The following JCAD variants were observed in gnomAD, a reference collection of about 807,000 sequenced individuals.
JCAD encodes the protein junctional cadherin 5 associated.
Under a neutral mutation model 98.0 loss-of-function variants are expected in JCAD, and 40 were observed. The observed-to-expected ratio is 0.41, with a 90% CI of 0.32 to 0.53. JCAD has a LOEUF of 0.53. JCAD is among the 20% of genes least tolerant of loss of function. JCAD has a pLI of 0.31. For synonymous variants in JCAD, 691 were observed against 682.3 expected (o/e 1.01, Z -0.20); for missense variants, 1,705 against 1,738.1 (o/e 0.98, Z 0.34).
upstream of JCAD, among the ~76,000 whole-genome samples, chr10:30,062,182 G>T (rs1454174155): frequency 6.6e-6 from 1 of 152,192 alleles, no homozygotes; most frequent in Non-Finnish European, 1.5e-5. Flanking sequence ...TAGCAGAAAG[G>T]CTGGCAAAGG....
chr10:30,069,969 T>C (rs1360822178), intron 1 of JCAD: 1 of 152,156 alleles, frequency 6.6e-6, no homozygotes, highest in Non-Finnish European at 1.5e-5. Flanking sequence ...CAGAACTCAT[T>C]GGTTAGCCTC....
At chr10:30,031,619 T>C (rs997359311) in intron 2 of JCAD, among the ~76,000 whole-genome samples, 5 of 151,358 alleles carry the variant, frequency 3.3e-5, no homozygotes, top group African/African-American at 4.9e-5. Flanking sequence ...TTTTTGTATT[T>C]TTAGTAGAGA....
intron 3 of JCAD, among the ~76,000 whole-genome samples, chr10:30,018,443 C>A (rs1836584566): frequency 6.6e-6 from 1 of 152,034 alleles, no homozygotes; most frequent in Non-Finnish European, 1.5e-5. Flanking sequence ...TCTCTCATCA[C>A]CACTGACCAC....
At chr10:30,100,596 C>G (rs879228963) in intron 1 of JCAD, among the ~76,000 whole-genome samples, 1 of 152,168 alleles carries the variant, frequency 6.6e-6, no homozygotes, top group African/African-American at 2.4e-5. Context: ...GTTGGCCACG[C>G]TGGTCTCGAA....
chr10:30,027,331 T>C lies in JCAD; in HGVS notation c.2817A>G (p.Glu939=). ...PPSPGRFRVE[E]GGGAPFCSAD... is the part of the protein sequence containing the mutation. ...CTGAGCAGAAAGGTGCACCGCCACCTTCTTCCACGCGAAAGCGGCCCGGGG... is the reference window on the plus strand; with the variant it reads ...CTGAGCAGAAAGGTGCACCGCCACCCTCTTCCACGCGAAAGCGGCCCGGGG... The change falls in exon 3 of 4, where the codon GAA becomes GAG. Residue 939 remains glutamate (E), a synonymous_variant. Transcript: ENST00000375377. 6.2e-7 allele frequency: 1 copy of C among 1,613,298 alleles called. No homozygotes were observed. Among genetic ancestry groups the C allele is most frequent in the East Asian group, 2.2e-5 (1 of 44,874 alleles).
chr10:30,088,314 C>T (rs1838199086), intron 1 of JCAD, among the ~76,000 whole-genome samples: 1 of 152,068 alleles, frequency 6.6e-6, no homozygotes, highest in African/African-American at 2.4e-5. Context: ...AATCATTTTC[C>T]CCATGGGAAG....
intron 2 of JCAD, among the ~76,000 whole-genome samples, chr10:30,034,080 G>A (rs939080720): frequency 8.6e-5 from 13 of 151,836 alleles, no homozygotes; most frequent in African/African-American, 2.9e-4. Flanking sequence ...AAAATCGGCC[G>A]GGTGTGGTGG....
chr10:30,031,599 A>C (rs1007500121), intron 2 of JCAD, among the ~76,000 whole-genome samples: 1 of 145,486 alleles, frequency 6.9e-6, no homozygotes, highest in African/African-American at 2.5e-5. Flanking sequence ...CTGCCACCAC[A>C]CCCGGCTAAT....
rs967141781 is a variant in JCAD, at chr10:30,100,007, G to A, written n.128+15360C>T. Among the ~76,000 whole-genome samples, 5 of 152,168 alleles carry A rather than the reference G, an allele frequency of 3.3e-5. No individual in the cohort carries two copies. The East Asian group carries it at 7.7e-4, about 24-fold the overall frequency. ...GTCACTCTCTTTAAATTAGCCAATC[G>A]GAATTAGTTTAGCCTGTGCGGTCTA... On this transcript the variant is annotated intron_variant and non_coding_transcript_variant, in intron 1 of 2. Transcript: ENST00000465712.
chr10:30,086,427 G>A (rs964066036), intron 1 of JCAD, among the ~76,000 whole-genome samples: 1 of 152,168 alleles, frequency 6.6e-6, no homozygotes, highest in Non-Finnish European at 1.5e-5. Context: ...TACTTCTTTT[G>A]GTTTGCAGCT....
intron 1 of JCAD, among the ~76,000 whole-genome samples, chr10:30,052,522 T>A (rs1022134973): frequency 2.6e-5 from 4 of 152,182 alleles, no homozygotes; most frequent in African/African-American, 9.7e-5. Flanking sequence ...CTTGGCCTTA[T>A]TAGCACCCAT....
chr10:30,017,883 T>G lies in JCAD; in HGVS notation c.4080A>C (p.Ter1360CysextTer1). The G allele has an allele frequency of 6.2e-7, 1 of 1,612,848 alleles. No homozygotes were observed. The stretch of plus-strand genomic sequence containing the variant: ...GAATGCAAGCTCCACCGGCATTTCA[T>G]CACACCCTCTCCACTCTGCTAGGGT... ...SYDPSRVERV* is the reference protein window; with the variant it reads ...SYDPSRVERVC Residue 1360 changes from the stop codon to cysteine, a stop_lost, in exon 4 of 4, where the codon TGA becomes TGC. Coordinates refer to ENST00000375377, the MANE Select transcript of JCAD (RefSeq NM_020848.4).
At chr10:30,033,432 G>T (rs888179435) in intron 2 of JCAD, among the ~76,000 whole-genome samples, 6 of 152,198 alleles carry the variant, frequency 3.9e-5, no homozygotes, top group African/African-American at 1.4e-4. Flanking sequence ...ATGGGGTGTT[G>T]TGTGATGCAT....
At position 30,028,596 on chromosome 10, in the gene JCAD, C is replaced by T. The variant is rs774908888; in HGVS notation, c.1552G>A (p.Asp518Asn). 3 of 1,613,776 alleles carry T rather than the reference C, an allele frequency of 1.9e-6. No homozygotes were observed. Among genetic ancestry groups the T allele is most frequent in the East Asian group, 2.2e-5 (1 of 44,874 alleles). ...CACTGTCCCCTTGCCACACAGCGGT[C>T]TCTCTGGTTGGGGAGGCCACTGTTT... ...GENSGLPNQR[D>N]RCVARGQWPD... is the part of the protein sequence containing the mutation. The change falls in exon 3 of 4, where the codon GAC becomes AAC. Residue 518 changes from aspartate to asparagine, a missense_variant. By Grantham distance (23) the Asp-to-Asn change is conservative (BLOSUM62 1). Transcript: ENST00000375377.
chr10:30,084,278 A>C (rs1269541607), intron 1 of JCAD, among the ~76,000 whole-genome samples: 2 of 152,170 alleles, frequency 1.3e-5, no homozygotes, highest in Non-Finnish European at 2.9e-5. Context: ...GAATCTGAAA[A>C]CTTCACTATT....
chr10:30,062,787 C>T (rs972055193), upstream of JCAD, among the ~76,000 whole-genome samples: 3 of 152,094 alleles, frequency 2.0e-5, no homozygotes, highest in East Asian at 1.9e-4. Context: ...GGGAAAAACC[C>T]GCGTCCATGA....
intron 3 of JCAD, among the ~76,000 whole-genome samples, chr10:30,025,782 G>A (rs1479503404): frequency 7.3e-5 from 11 of 151,596 alleles, no homozygotes; most frequent in African/African-American, 1.2e-4. Context: ...CCAGCTACTC[G>A]GGAGGCTGAG....
intron 1 of JCAD, among the ~76,000 whole-genome samples, chr10:30,110,558 G>A (rs1003080778): frequency 7.3e-5 from 11 of 151,452 alleles, no homozygotes; most frequent in Admixed American, 3.3e-4. Context: ...GTATGGACCC[G>A]CTGATGTATA....
chr10:30,057,647 T>A (rs1837601931), intron 1 of JCAD, among the ~76,000 whole-genome samples: 1 of 152,196 alleles, frequency 6.6e-6, no homozygotes, highest in Admixed American at 6.5e-5. Flanking sequence ...TTCCAGTCTC[T>A]GCAGCAAAGG....
Sources: allele counts gnomAD v4.1 joint callset (sites outside exome capture counted in the v4.1 genomes callset), GRCh38; gene constraint gnomAD v4.1.1; transcripts MANE v1.5; gene names NCBI Gene and HGNC (gene_info 2026-07-23, HGNC 2026-07-21).